MGA: variants seen among roughly 807,000 people sequenced by gnomAD.
MGA encodes the protein MAX dimerization protein MGA, also known as MAX gene-associated protein.
Under a neutral mutation model 261.1 loss-of-function variants are expected in MGA, and 40 were observed. The observed-to-expected ratio is 0.15, with a 90% CI of 0.12 to 0.20. The LOEUF is 0.20. MGA is among the 10% of genes least tolerant of loss of function. MGA has a pLI of 1.00. For missense variants in MGA, 3,397 were observed against 3,630.5 expected, an observed-to-expected ratio of 0.94 and a Z score of 1.65; for synonymous variants, 1,302 against 1,290.6, an observed-to-expected ratio of 1.01 and a Z score of -0.19.
At chr15:41,761,917 A>G in intron 21 of MGA, 67 bp downstream of exon 21, 5 of 1,208,262 alleles carry the variant, frequency 4.1e-6, no homozygotes, top group East Asian at 2.5e-5. Context: ...AATCCTCAGT[A>G]GATCTTTCAG....
chr15:41,766,801 G>T lies in MGA; in HGVS notation c.8719G>T (p.Asp2907Tyr), dbSNP rs755132381. Residue 2907 changes from aspartate (D) to tyrosine (Y), a missense_variant, in exon 24 of 24, where the codon GAT (aspartate) becomes TAT (tyrosine). Asp to Tyr is a radical substitution (Grantham distance 160, BLOSUM62 -3). Around this residue, in one of 9 missense-constraint regions of MGA, gnomAD observed 647 missense variants for 642.4 expected, o/e 1.01. Coordinates refer to ENST00000219905, the MANE Select transcript of MGA (RefSeq NM_001164273.2). ...TCCCCTCCTCTTGCACTTGGAAGACGATGACTTTTCTGAGAATGAAAAACA... is the reference window on the plus strand; with the variant it reads ...TCCCCTCCTCTTGCACTTGGAAGACTATGACTTTTCTGAGAATGAAAAACA... 6.2e-7 allele frequency: 1 copy of T among 1,613,992 alleles called. No individual in the cohort carries two copies. The highest frequency in any genetic ancestry group is 1.1e-5 in the South Asian group (1 of 91,076).
intron 2 of MGA, among the ~76,000 whole-genome samples, chr15:41,683,639 C>T (rs1019861446): frequency 5.5e-5 from 8 of 145,796 alleles, no homozygotes; most frequent in South Asian, 2.2e-4. Flanking sequence ...AGTGCAGTGG[C>T]GCGATCTTGG....
rs1217475384 is a variant in MGA, at chr15:41,754,422, A to G, written c.7009-15A>G. On this transcript the variant is annotated splice_polypyrimidine_tract_variant and intron_variant, in intron 17 of 23. Transcript: ENST00000219905. ...CACTCAATACATTATTTACTTTTAT[A>G]ATGATGTATTTCAGAATAACTGTGT... 6.6e-7 allele frequency: 1 copy of G among 1,523,892 alleles called. No homozygotes were observed. Among genetic ancestry groups the G allele is most frequent in the African/African-American group, 1.4e-5 (1 of 71,710 alleles). The allele number at this position is 1,523,892 out of a possible 1,614,324, so 94.4% of individuals were successfully genotyped here.
intron 1 of MGA, among the ~76,000 whole-genome samples, chr15:41,630,801 G>T (rs2056572723): frequency 6.6e-6 from 1 of 152,126 alleles, no homozygotes; most frequent in Non-Finnish European, 1.5e-5. Context: ...CTCTTTGCTG[G>T]AGATGGAACC....
Position 41,642,530 on chromosome 15 carries a change from A to G in MGA, c.-68+21232A>G, listed in dbSNP as rs146042261. On this transcript the variant is annotated intron_variant, in intron 1 of 8. Transcript: ENST00000566718. ...GACAGAGTCTTCCTCTGTTGCCAGG[A>G]TGGAGTGCAGTGGTGCGATCTCAGC... Among the ~76,000 whole-genome samples, 1,113 of 149,598 alleles carry G rather than the reference A, an allele frequency of 7.4e-3. 10 individuals are homozygous for G. Among genetic ancestry groups the G allele is most frequent in the African/African-American group, 0.026 (1,073 of 40,526 alleles).
intron 1 of MGA, among the ~76,000 whole-genome samples, chr15:41,640,713 T>C (rs2056804800): frequency 6.6e-6 from 1 of 152,180 alleles, no homozygotes; most frequent in African/African-American, 2.4e-5. Context: ...GAGACGGGGT[T>C]TTGCCATGTA....
In MGA at chr15:41,696,681, T is replaced by C; in HGVS notation, c.1671T>C (p.Ser557=). The stretch of plus-strand genomic sequence containing the variant: ...CTCAGTGGAAATATCCTGATATATC[T>C]GACAGCATTAGCACAGAAAGAATAC... The change falls in exon 3 of 24, where the codon TCT becomes TCC. Residue 557 remains serine, a synonymous_variant. Transcript: ENST00000219905. The C allele has an allele frequency of 6.2e-7, 1 of 1,612,876 alleles. No homozygotes were observed. Among genetic ancestry groups the C allele is most frequent in the Non-Finnish European group, 8.5e-7 (1 of 1,179,398 alleles).
chr15:41,727,802 A>C (rs550356191), intron 10 of MGA, among the ~76,000 whole-genome samples: 52 of 152,214 alleles, frequency 3.4e-4, no homozygotes, highest in Admixed American at 6.5e-4. Flanking sequence ...AATGCATAAT[A>C]ATATCAGTAA....
chr15:41,657,449 G>C (rs375850477), upstream of MGA, among the ~76,000 whole-genome samples: 3 of 143,384 alleles, frequency 2.1e-5, no homozygotes, highest in Non-Finnish European at 4.5e-5. Context: ...CACCTCCCTT[G>C]TTCAAGCAAT....
chr15:41,707,140 C>T (rs1030471430), intron 5 of MGA, among the ~76,000 whole-genome samples: 6 of 152,296 alleles, frequency 3.9e-5, no homozygotes, highest in Admixed American at 3.9e-4. Flanking sequence ...CTGAATTTTG[C>T]TCTTTTTTAA....
chr15:41,653,728 A>AG (rs1491218516), intron 1 of MGA, among the ~76,000 whole-genome samples: 1 of 151,152 alleles, frequency 6.6e-6, no homozygotes, highest in Non-Finnish European at 1.5e-5. Context: ...AAAAAAAAAA[A>AG]GAAAAAAAAA....
chr15:41,670,960 T>C (rs1019467686), intron 2 of MGA, among the ~76,000 whole-genome samples: 5 of 152,204 alleles, frequency 3.3e-5, no homozygotes, highest in African/African-American at 1.2e-4. Context: ...TAAGTTTTGT[T>C]TCCATTATGA....
chr15:41,721,488 A>G (rs141731600), intron 9 of MGA, among the ~76,000 whole-genome samples: 95 of 152,328 alleles, frequency 6.2e-4, no homozygotes, highest in African/African-American at 2.1e-3. Context: ...AAAAGCAGAT[A>G]TTTGTAATAT....
At chr15:41,692,444 C>G (rs541472168) in intron 2 of MGA, among the ~76,000 whole-genome samples, 1 of 152,190 alleles carries the variant, frequency 6.6e-6, no homozygotes, top group Non-Finnish European at 1.5e-5. Context: ...TTGCAAAGAT[C>G]CTTTGCCTAT....
At chr15:41,699,964 A>G (rs1234691129) in intron 5 of MGA, among the ~76,000 whole-genome samples, 1 of 149,938 alleles carries the variant, frequency 6.7e-6, no homozygotes, top group Non-Finnish European at 1.5e-5. Context: ...GTTCTGGGAT[A>G]CGTGTACAGA....
rs2062740593 is a variant in MGA, at chr15:41,749,911, A to G, written c.6304A>G (p.Ser2102Gly). Residue 2102 changes from serine to glycine, a missense_variant, in exon 17 of 24, where the codon AGT (serine) becomes GGT (glycine). By Grantham distance (56) the Ser-to-Gly change is moderately conservative (BLOSUM62 0). Around this residue, in one of 9 missense-constraint regions of MGA, gnomAD observed 1,410 missense variants for 1,386.4 expected, o/e 1.02. Coordinates refer to ENST00000219905, the MANE Select transcript of MGA (RefSeq NM_001164273.2). ...CAGTAATAAGACAGTCCAAAATTTA[A>G]GTAAAGTACAGCATCAAAAACTTGG... 2.5e-6 allele frequency: 4 copies of G among 1,613,876 alleles called. No individual in the cohort carries two copies. Among genetic ancestry groups the G allele is most frequent in the African/African-American group, 2.7e-5 (2 of 74,944 alleles).
rs918114091 is a variant in MGA, at chr15:41,741,737, A to T, written c.4586-809A>T. ...TTTTTTAATTTTTCTTTCAAGACAG[A>T]GTCTTGCTCTGTCTCCCAGGCTGGA... On this transcript the variant is annotated intron_variant, in intron 14 of 23. Transcript: ENST00000219905. 1.8e-4 allele frequency among the ~76,000 whole-genome samples: 28 copies of T among 152,236 alleles called. 1 individual carries two copies. Among genetic ancestry groups the T allele is most frequent in the African/African-American group, 6.5e-4 (27 of 41,550 alleles).
intron 9 of MGA, among the ~76,000 whole-genome samples, chr15:41,716,377 C>G (rs1208323385): frequency 6.6e-6 from 1 of 151,886 alleles, no homozygotes; most frequent in Non-Finnish European, 1.5e-5. Context: ...TGGTGTGAAC[C>G]CGGGAGGCAG....
intron 2 of MGA, among the ~76,000 whole-genome samples, chr15:41,671,960 T>G (rs551837514): frequency 2.0e-5 from 3 of 152,330 alleles, no homozygotes; most frequent in South Asian, 4.1e-4. Flanking sequence ...TCTTTAAACT[T>G]GATTCTTCAG....
Sources: allele counts gnomAD v4.1 joint callset (sites outside exome capture counted in the v4.1 genomes callset), GRCh38; gene constraint gnomAD v4.1.1; regional missense constraint gnomAD v4.1.1; transcripts MANE v1.5; gene names NCBI Gene and HGNC (gene_info 2026-07-23, HGNC 2026-07-21).